The following TEAD1 variants were observed in gnomAD, a reference collection of about 807,000 sequenced individuals.
The protein encoded by TEAD1 is transcriptional enhancer factor TEF-1.
A neutral mutation model predicts 54.9 loss-of-function variants in TEAD1; 9 were observed. That is an observed-to-expected ratio of 0.16 (90% confidence interval 0.10 to 0.29). The LOEUF (loss-of-function observed/expected upper bound fraction) is 0.29. Among genes scored for constraint, TEAD1 ranks in the 10% least tolerant of loss-of-function variants. TEAD1 has a pLI of 1.00. For missense variants in TEAD1, 387 were observed against 535.9 expected, an observed-to-expected ratio of 0.72 and a Z score of 2.74; for synonymous variants, 200 against 187.8, an observed-to-expected ratio of 1.07 and a Z score of -0.53.
At chr11:12,676,034 A>G (rs1351837871) in intron 2 of TEAD1, among the ~76,000 whole-genome samples, 2 of 152,234 alleles carry the variant, frequency 1.3e-5, no homozygotes, top group Non-Finnish European at 2.9e-5. Context: ...CTGGAAACTT[A>G]GAGACAGATG....
intron 3 of TEAD1, among the ~76,000 whole-genome samples, chr11:12,812,603 A>G (rs1280234220): frequency 6.6e-6 from 1 of 152,226 alleles, no homozygotes. Context: ...ACTGGTATTC[A>G]TCTTCTTCCA....
chr11:12,763,798 A>G (rs1458250111), intron 2 of TEAD1, among the ~76,000 whole-genome samples: 1 of 152,242 alleles, frequency 6.6e-6, no homozygotes, highest in Admixed American at 6.5e-5. Flanking sequence ...TGGTTTTCGT[A>G]TGAATCACTG....
At chr11:12,838,087 G>A (rs1463861528) in intron 3 of TEAD1, among the ~76,000 whole-genome samples, 2 of 152,026 alleles carry the variant, frequency 1.3e-5, no homozygotes, top group Admixed American at 6.6e-5. Context: ...GTGAGCCACC[G>A]TGCCCAGCCT....
At position 12,877,710 on chromosome 11, in the gene TEAD1, T is replaced by C. The variant is rs549894941; in HGVS notation, c.331-1998T>C. ...GAAGTGTTAGGCTCCGTTTTCTTTT[T>C]CCCCCCTCCCCTCCCTTTCCTTTTT... On this transcript the variant is annotated intron_variant, in intron 5 of 12. Coordinates refer to ENST00000527636, the MANE Select transcript of TEAD1 (RefSeq NM_021961.6). Among the ~76,000 whole-genome samples the C allele has an allele frequency of 1.2e-4, 18 of 151,784 alleles. No homozygotes were observed. In the East Asian group the frequency reaches 2.7e-3, roughly 23 times the overall value.
chr11:12,852,367 C>G (rs1947293597), intron 3 of TEAD1, among the ~76,000 whole-genome samples: 1 of 151,900 alleles, frequency 6.6e-6, no homozygotes, highest in Non-Finnish European at 1.5e-5. Context: ...TGGTGGGCGC[C>G]TGAGAGCCTG....
chr11:12,766,789 G>A (rs1051271517), intron 3 of TEAD1, among the ~76,000 whole-genome samples: 4 of 152,198 alleles, frequency 2.6e-5, no homozygotes, highest in Non-Finnish European at 5.9e-5. Context: ...TTTTGAGCAA[G>A]CAGCATTAGG....
chr11:12,846,863 C>G lies in TEAD1; in HGVS notation c.203-15387C>G, dbSNP rs1013633397. ...GGGCTTTAAGCTTTCCAGGTTCATT[C>G]TGTTAGGGAACAAAACAGCCACATG... On this transcript the variant is annotated intron_variant, in intron 3 of 12. Coordinates refer to ENST00000527636, the MANE Select transcript of TEAD1 (RefSeq NM_021961.6). Among the ~76,000 whole-genome samples, 4 of 152,204 alleles carry G rather than the reference C, an allele frequency of 2.6e-5. No homozygotes were observed. In the East Asian group the frequency reaches 5.8e-4, roughly 22 times the overall value.
At chr11:12,746,075 A>G (rs976391697) in intron 2 of TEAD1, among the ~76,000 whole-genome samples, 2 of 152,346 alleles carry the variant, frequency 1.3e-5, no homozygotes, top group African/African-American at 4.8e-5. Flanking sequence ...TGAAAGAACA[A>G]TGGATGGAGA....
At chr11:12,796,173 C>G (rs1198620226) in intron 3 of TEAD1, among the ~76,000 whole-genome samples, 1 of 152,072 alleles carries the variant, frequency 6.6e-6, no homozygotes, top group Non-Finnish European at 1.5e-5. Context: ...CATTTTTTTT[C>G]TGACTTTACC....
chr11:12,684,813 G>T (rs1943299968), intron 2 of TEAD1, among the ~76,000 whole-genome samples: 2 of 152,150 alleles, frequency 1.3e-5, no homozygotes, highest in African/African-American at 2.4e-5. Flanking sequence ...CTTCCTCTGG[G>T]CCTTAAATGT....
At chr11:12,857,188 T>C (rs763741652) in intron 3 of TEAD1, among the ~76,000 whole-genome samples, 1 of 152,202 alleles carries the variant, frequency 6.6e-6, no homozygotes, top group Non-Finnish European at 1.5e-5. Flanking sequence ...AACTGTGTTA[T>C]ATTATTTAGG....
chr11:12,709,006 C>T (rs1435842812), intron 2 of TEAD1, among the ~76,000 whole-genome samples: 1 of 152,202 alleles, frequency 6.6e-6, no homozygotes, highest in African/African-American at 2.4e-5. Context: ...CTACTTCCTA[C>T]TTCTCTGTAT....
chr11:12,860,501 C>T (rs775712097), intron 3 of TEAD1, among the ~76,000 whole-genome samples: 12 of 152,264 alleles, frequency 7.9e-5, no homozygotes, highest in South Asian at 6.2e-4. Flanking sequence ...AGAGAGTCTT[C>T]GCAATTCTCA....
intron 4 of TEAD1, among the ~76,000 whole-genome samples, chr11:12,863,893 G>T (rs978422806): frequency 6.6e-5 from 10 of 152,146 alleles, no homozygotes; most frequent in Non-Finnish European, 7.3e-5. Flanking sequence ...GCAGCAGTTG[G>T]TGATACCTCT....
chr11:12,675,779 G>C (rs1476464068), intron 2 of TEAD1, among the ~76,000 whole-genome samples: 2 of 152,146 alleles, frequency 1.3e-5, no homozygotes, highest in Non-Finnish European at 2.9e-5. Flanking sequence ...TTTTTAATGA[G>C]TCGAAAACAA....
chr11:12,862,015 G>C (rs1391098994), intron 3 of TEAD1, among the ~76,000 whole-genome samples: 2 of 146,156 alleles, frequency 1.4e-5, no homozygotes, highest in African/African-American at 5.1e-5. Context: ...TTAAAAAAAA[G>C]GATAAATTTC....
At chr11:12,783,544 T>C (rs1945610046) in intron 3 of TEAD1, among the ~76,000 whole-genome samples, 1 of 152,000 alleles carries the variant, frequency 6.6e-6, no homozygotes, top group Non-Finnish European at 1.5e-5. Context: ...CCCATTTCAG[T>C]TTTGGGGGAA....
At chr11:12,723,475 A>C (rs1368869910) in intron 2 of TEAD1, among the ~76,000 whole-genome samples, 4 of 152,212 alleles carry the variant, frequency 2.6e-5, no homozygotes, top group African/African-American at 9.6e-5. Flanking sequence ...TAAAATAAAT[A>C]CTTTGGACAT....
At chr11:12,881,419 A>G (rs10766002) in intron 7 of TEAD1, among the ~76,000 whole-genome samples, 89,874 of 152,012 alleles carry the variant, frequency 0.59, 27,312 homozygotes, top group East Asian at 0.94. Context: ...CTGTAGTAGG[A>G]TGGCTAGTAG....
Sources: allele counts gnomAD v4.1 joint callset (sites outside exome capture counted in the v4.1 genomes callset), GRCh38; gene constraint gnomAD v4.1.1; transcripts MANE v1.5; gene names NCBI Gene and HGNC (gene_info 2026-07-23, HGNC 2026-07-21).